ADGRL3: variants seen among roughly 807,000 people sequenced by gnomAD.
The protein encoded by ADGRL3 is adhesion G protein-coupled receptor L3.
ADGRL3 carries 62 observed loss-of-function variants against 153.5 expected under a neutral mutation model. The observed-to-expected ratio is 0.40, with a 90% CI of 0.33 to 0.50. ADGRL3 has a LOEUF of 0.50. ADGRL3 is among the 20% of genes least tolerant of loss of function. ADGRL3 has a pLI of 0.47. For missense variants in ADGRL3, 1,641 were observed against 1,859.4 expected, an observed-to-expected ratio of 0.88 and a Z score of 2.16; for synonymous variants, 710 against 672.5, an observed-to-expected ratio of 1.06 and a Z score of -0.86.
At chr4:61,575,129 T>C (rs2098864731) in intron 4 of ADGRL3, among the ~76,000 whole-genome samples, 2 of 151,920 alleles carry the variant, frequency 1.3e-5, no homozygotes, top group African/African-American at 4.8e-5. Flanking sequence ...TCATTTACTC[T>C]TTTTTGGTTT....
intron 2 of ADGRL3, among the ~76,000 whole-genome samples, chr4:61,428,877 CATCTATCTATCTATATCATCTATCT>C (rs200499445): frequency 0.04 from 5,252 of 130,952 alleles, 149 homozygotes; most frequent in East Asian, 0.087. Flanking sequence ...CTATCTATAT[CATCTATCTATCTATATCATCTATCT>C]ATCTATCTAT....
chr4:61,935,083 G>A, intron 14 of ADGRL3, 60 bp downstream of exon 14: 49 of 1,426,884 alleles, frequency 3.4e-5, no homozygotes, highest in Admixed American at 3.3e-4. Flanking sequence ...AGAGGGAAAA[G>A]AAAAAAGTAT....
At chr4:61,240,131 C>T (rs552580794) in intron 1 of ADGRL3, among the ~76,000 whole-genome samples, 10 of 152,060 alleles carry the variant, frequency 6.6e-5, no homozygotes, top group Non-Finnish European at 1.2e-4. Flanking sequence ...GAGGGTTACT[C>T]TCTGCTTCCA....
chr4:61,616,080 A>T (rs1301694466), intron 5 of ADGRL3, among the ~76,000 whole-genome samples: 1 of 152,170 alleles, frequency 6.6e-6, no homozygotes, highest in Non-Finnish European at 1.5e-5. Context: ...AGACAGACAG[A>T]CAATAGTCCA....
intron 2 of ADGRL3, among the ~76,000 whole-genome samples, chr4:61,407,782 C>G (rs2152222547): frequency 6.6e-6 from 1 of 152,254 alleles, no homozygotes; most frequent in South Asian, 2.1e-4. Context: ...TATAAAAACA[C>G]TTTTGGCTTG....
intron 1 of ADGRL3, among the ~76,000 whole-genome samples, chr4:61,350,885 A>G (rs918663955): frequency 2.6e-5 from 4 of 152,036 alleles, no homozygotes; most frequent in Non-Finnish European, 5.9e-5. Context: ...AAATTACACC[A>G]ATTAATAACC....
chr4:61,526,735 G>C (rs947075652), intron 4 of ADGRL3, among the ~76,000 whole-genome samples: 15 of 152,012 alleles, frequency 9.9e-5, no homozygotes, highest in Non-Finnish European at 1.6e-4. Context: ...CTGCAATTTA[G>C]CCTGGGCAAC....
chr4:61,836,637 T>A (rs1464320038), intron 9 of ADGRL3, among the ~76,000 whole-genome samples: 1 of 152,108 alleles, frequency 6.6e-6, no homozygotes, highest in Non-Finnish European at 1.5e-5. Flanking sequence ...GCTAATATTT[T>A]TCCTTGAATA....
At chr4:61,260,326 G>T (rs2092402762) in intron 1 of ADGRL3, among the ~76,000 whole-genome samples, 1 of 152,096 alleles carries the variant, frequency 6.6e-6, no homozygotes, top group African/African-American at 2.4e-5. Context: ...GAAAAACCAA[G>T]AATGTACATC....
intron 2 of ADGRL3, among the ~76,000 whole-genome samples, chr4:61,396,311 T>C (rs1162134181): frequency 6.6e-6 from 1 of 151,958 alleles, no homozygotes; most frequent in Non-Finnish European, 1.5e-5. Flanking sequence ...TAAGTTATAA[T>C]GTTGGCCCAT....
chr4:61,314,629 G>A (rs2095140742), intron 1 of ADGRL3, among the ~76,000 whole-genome samples: 1 of 152,164 alleles, frequency 6.6e-6, no homozygotes, highest in Admixed American at 6.5e-5. Flanking sequence ...TACTAACACA[G>A]TTGCAGTTGA....
intron 9 of ADGRL3, among the ~76,000 whole-genome samples, chr4:61,839,696 G>A (rs2097996832): frequency 6.6e-6 from 1 of 151,860 alleles, no homozygotes; most frequent in South Asian, 2.1e-4. Context: ...ACTTTGGGTA[G>A]GCCAAGGTGG....
At chr4:61,576,789 G>A (rs6841033) in intron 4 of ADGRL3, among the ~76,000 whole-genome samples, 8,085 of 151,330 alleles carry the variant, frequency 0.053, 663 homozygotes, top group African/African-American at 0.18. Flanking sequence ...AACTTTAGTT[G>A]GAAAACATAA....
rs377430197 is a variant in ADGRL3, at chr4:61,711,334, C to A, written c.584-19288C>A. Among the ~76,000 whole-genome samples the A allele has an allele frequency of 1.9e-4, 28 of 151,312 alleles. No individual in the cohort carries two copies. In the East Asian group the frequency reaches 4.9e-3, roughly 26 times the overall value. ...TTTAGTTTGCAATGTGGAAATCCTG[C>A]ACATAAAAAGTAGGCAATGATAGCT... On this transcript the variant is annotated intron_variant, in intron 6 of 26. Coordinates refer to ENST00000683033, the MANE Select transcript of ADGRL3 (RefSeq NM_001387552.1).
chr4:61,535,188 T>C (rs769160850), intron 4 of ADGRL3, among the ~76,000 whole-genome samples: 17 of 152,050 alleles, frequency 1.1e-4, no homozygotes, highest in Non-Finnish European at 2.5e-4. Context: ...TCTGAATCTA[T>C]TGAGATGATC....
intron 8 of ADGRL3, among the ~76,000 whole-genome samples, chr4:61,808,363 C>T (rs1314207600): frequency 3.3e-5 from 5 of 152,058 alleles, no homozygotes; most frequent in African/African-American, 7.2e-5. Context: ...AAGTAAAATC[C>T]GCTGAGAGGC....
intron 6 of ADGRL3, among the ~76,000 whole-genome samples, chr4:61,703,972 A>G (rs866986732): frequency 6.6e-6 from 1 of 152,166 alleles, no homozygotes; most frequent in Non-Finnish European, 1.5e-5. Flanking sequence ...CTTGCTTAAA[A>G]ATTGCTGACC....
intron 3 of ADGRL3, among the ~76,000 whole-genome samples, chr4:61,516,337 GT>G: frequency 6.7e-6 from 1 of 150,234 alleles, no homozygotes; most frequent in East Asian, 2.0e-4. Flanking sequence ...TTATTAATGT[GT>G]TTTTATACAT....
At chr4:61,743,825 G>C (rs4339245) in intron 8 of ADGRL3, among the ~76,000 whole-genome samples, 67,536 of 152,040 alleles carry the variant, frequency 0.44, 15,357 homozygotes, top group East Asian at 0.64. Context: ...CTGAGGTACC[G>C]GGTTCATCTC....
Sources: allele counts gnomAD v4.1 joint callset (sites outside exome capture counted in the v4.1 genomes callset), GRCh38; gene constraint gnomAD v4.1.1; transcripts MANE v1.5; gene names NCBI Gene and HGNC (gene_info 2026-07-23, HGNC 2026-07-21).